Variants in C2orf72 observed in about 807,000 individuals in gnomAD.
C2orf72 encodes chromosome 2 open reading frame 72, also known as uncharacterized protein C2orf72.
A neutral mutation model predicts 14.4 loss-of-function variants in C2orf72; 16 were observed. The ratio of observed to expected loss-of-function variants is 1.11; its 90% CI spans 0.75 to 1.69. The LOEUF (loss-of-function observed/expected upper bound fraction) is 1.69, where lower values mean the gene tolerates loss of function less well. C2orf72 is among the 40% of genes most tolerant of loss of function. The probability of loss-of-function intolerance (pLI) is 0.00; values close to 1 mark genes in which losing one functional copy is unlikely to be tolerated. For synonymous variants in C2orf72, 168 were observed against 176.8 expected, an observed-to-expected ratio of 0.95 and a Z score of 0.40; for missense variants, 371 against 358.3, an observed-to-expected ratio of 1.04 and a Z score of -0.29.
intron 1 of C2orf72, 31 bp from the exon 2 acceptor site, chr2:231,041,265 C>A: frequency 6.8e-7 from 1 of 1,476,804 alleles, no homozygotes; most frequent in Non-Finnish European, 9.2e-7. Flanking sequence ...AACCATGTGA[C>A]CCTCTGACTC....
In C2orf72 at chr2:231,037,620, C is replaced by T; in HGVS notation, c.55C>T (p.Pro19Ser). The change falls in exon 1 of 3, where the codon CCC becomes TCC. Residue 19 changes from proline (P) to serine (S), a missense_variant. This residue lies in a region of C2orf72 where 214 missense variants were observed against 178.7 expected (regional missense o/e 1.20). Transcript: ENST00000373640. ...CCGGCTTGCGCGCCCTGCCGAGCCG[C>T]CCTTCCAGGCGTTGGTGGAAGCGGC... is the stretch of plus-strand genomic sequence containing the variant. ...AARLARPAEP[P>S]FQALVEAAGG... The T allele has an allele frequency of 1.8e-6, 2 of 1,108,648 alleles. No individual in the cohort carries two copies. The highest frequency in any genetic ancestry group is 1.1e-6 in the Non-Finnish European group (1 of 905,870). 68.7% of individuals were successfully genotyped at this position (1,108,648 alleles called of 1,614,324 possible).
chr2:231,037,934 C>T lies in C2orf72; in HGVS notation c.369C>T (p.Arg123=). ...ASSLAAREPR[R]RLREMLRDVR... is the part of the protein sequence containing the mutation. Reference sequence around the variant, plus strand: ...CGCTGGCCGCCCGGGAGCCGCGGCGCCGCCTGCGGGAGATGCTGCGGGACG... The same window carrying T: ...CGCTGGCCGCCCGGGAGCCGCGGCGTCGCCTGCGGGAGATGCTGCGGGACG... Residue 123 remains arginine (R), a synonymous_variant, in exon 1 of 3, where the codon CGC becomes CGT. Coordinates refer to ENST00000373640, the MANE Select transcript of C2orf72 (RefSeq NM_001144994.2). The T allele has an allele frequency of 4.4e-5, 45 of 1,031,268 alleles. No individual in the cohort carries two copies. Among genetic ancestry groups the T allele is most frequent in the Non-Finnish European group, 5.2e-5 (45 of 861,776 alleles). 63.9% of individuals were successfully genotyped at this position (1,031,268 alleles called of 1,614,324 possible).
intron 1 of C2orf72, among the ~76,000 whole-genome samples, chr2:231,040,357 G>T (rs1574688637): frequency 6.6e-6 from 1 of 152,300 alleles, no homozygotes; most frequent in African/African-American, 2.4e-5. Context: ...CAGAGTGAAT[G>T]AATCCTCCCT....
chr2:231,045,304 G>A (rs1163134076), intron 2 of C2orf72, among the ~76,000 whole-genome samples: 1 of 151,676 alleles, frequency 6.6e-6, no homozygotes, highest in Non-Finnish European at 1.5e-5. Flanking sequence ...GAGAGAGAGA[G>A]ACAGTACAGT....
chr2:231,041,403 G>A lies in C2orf72; in HGVS notation c.742G>A (p.Ala248Thr), dbSNP rs1359132227. Residue 248 changes from alanine (A) to threonine (T), a missense_variant, in exon 2 of 3, where the codon GCT becomes ACT. Ala to Thr is a moderately conservative substitution (Grantham distance 58). This residue lies in a region of C2orf72 where 145 missense variants were observed against 149.4 expected (regional missense o/e 0.97). Coordinates refer to ENST00000373640, the MANE Select transcript of C2orf72 (RefSeq NM_001144994.2). Reference sequence around the variant, plus strand: ...GGATGTTGCTGCCTGCAGAAGCTCAGCTCAGGGTGAGTGCTCCCCGACCTC... The same window carrying A: ...GGATGTTGCTGCCTGCAGAAGCTCAACTCAGGGTGAGTGCTCCCCGACCTC... Reference protein sequence around the residue: ...NQDVAACRSSAQEDFQEPEEE... With the variant: ...NQDVAACRSSTQEDFQEPEEE... 2.6e-6 allele frequency: 4 copies of A among 1,550,634 alleles called. No homozygotes were observed. Among genetic ancestry groups the A allele is most frequent in the Non-Finnish European group, 3.5e-6 (4 of 1,146,410 alleles).
At position 231,037,590 on chromosome 2, in the gene C2orf72, G is replaced by C; in HGVS notation, c.25G>C (p.Ala9Pro). The C allele has an allele frequency of 9.4e-7, 1 of 1,065,486 alleles. No homozygotes were observed. The highest frequency in any genetic ancestry group is 1.1e-6 in the Non-Finnish European group (1 of 883,008). The allele number at this position is 1,065,486 out of a possible 1,614,324, so 66.0% of individuals were successfully genotyped here. Residue 9 changes from alanine (A) to proline (P), a missense_variant, in exon 1 of 3, where the codon GCG (alanine) becomes CCG (proline). Around this residue, in one of 3 missense-constraint regions of C2orf72, gnomAD observed 214 missense variants for 178.7 expected, o/e 1.20. Transcript: ENST00000373640. MERELEAL[A>P]ARLARPAEPP... ...CATGGAGCGCGAGCTGGAGGCGCTGGCGGCCCGGCTTGCGCGCCCTGCCGA... is the reference window on the plus strand; with the variant it reads ...CATGGAGCGCGAGCTGGAGGCGCTGCCGGCCCGGCTTGCGCGCCCTGCCGA...
Position 231,038,503 on chromosome 2 carries a change from A to G in C2orf72, c.634+304A>G, listed in dbSNP as rs536861386. Among the ~76,000 whole-genome samples, 27 of 83,798 alleles carry G rather than the reference A, an allele frequency of 3.2e-4. No individual in the cohort carries two copies. In the South Asian group the frequency reaches 0.012, roughly 36 times the overall value. The allele number at this position is 83,798 out of a possible 152,430, so 55.0% of individuals were successfully genotyped here. A position where few individuals can be genotyped will look rare whatever the true frequency, so the allele number is the denominator to read the frequency against. ...GATGAATCGGGCAAGGCCGAGATCT[A>G]GGAGTTACGGGGTGGGTGGGGGTGG... On this transcript the variant is annotated intron_variant, in intron 1 of 2. Coordinates refer to ENST00000373640, the MANE Select transcript of C2orf72 (RefSeq NM_001144994.2).
At chr2:231,043,487 G>A (rs906840705) in intron 2 of C2orf72, among the ~76,000 whole-genome samples, 1 of 151,682 alleles carries the variant, frequency 6.6e-6, no homozygotes, top group African/African-American at 2.4e-5. Flanking sequence ...TTTGGGGTAC[G>A]CCATTCTATT....
At position 231,037,858 on chromosome 2, in the gene C2orf72, C is replaced by G. The variant is rs2125135196; in HGVS notation, c.293C>G (p.Ala98Gly). 1 of 978,634 alleles carries G rather than the reference C, an allele frequency of 1.0e-6. No individual in the cohort carries two copies. Among genetic ancestry groups the G allele is most frequent in the Non-Finnish European group, 1.2e-6 (1 of 827,360 alleles). The allele number at this position is 978,634 out of a possible 1,614,324, so 60.6% of individuals were successfully genotyped here. Residue 98 changes from alanine to glycine, a missense_variant, in exon 1 of 3, where the codon GCG becomes GGG. Physicochemically the swap from Ala to Gly is moderately conservative, Grantham distance 60 (BLOSUM62 0). Around this residue, in one of 3 missense-constraint regions of C2orf72, gnomAD observed 214 missense variants for 178.7 expected, o/e 1.20. Coordinates refer to ENST00000373640, the MANE Select transcript of C2orf72 (RefSeq NM_001144994.2). Reference sequence around the variant, plus strand: ...GGGGCGGCGGGGGCGGCGGCGGCGGCGGCGCGCGCCATCCGCTCGCCGCTG... The same window carrying G: ...GGGGCGGCGGGGGCGGCGGCGGCGGGGGCGCGCGCCATCCGCTCGCCGCTG... ...AAGAAGAAAA[A>G]ARAIRSPLVF...
intron 2 of C2orf72, among the ~76,000 whole-genome samples, chr2:231,042,849 A>G (rs562363051): frequency 3.3e-5 from 5 of 152,180 alleles, no homozygotes; most frequent in African/African-American, 4.8e-5. Flanking sequence ...TACTAAAAAT[A>G]CAAAATTAGC....
intron 1 of C2orf72, among the ~76,000 whole-genome samples, chr2:231,040,450 T>C (rs1693326994): frequency 6.6e-6 from 1 of 152,254 alleles, no homozygotes; most frequent in Admixed American, 6.5e-5. Flanking sequence ...TTTCCTACTT[T>C]TATAAAAACA....
At position 231,041,423 on chromosome 2, in the gene C2orf72, G is replaced by A. The variant is rs1197607075; in HGVS notation, c.748+14G>A. The A allele has an allele frequency of 8.5e-6, 13 of 1,536,072 alleles. No homozygotes were observed. Among genetic ancestry groups the A allele is most frequent in the Admixed American group, 2.0e-5 (1 of 50,834 alleles). On this transcript the variant is annotated intron_variant, in intron 2 of 2. Coordinates refer to ENST00000373640, the MANE Select transcript of C2orf72 (RefSeq NM_001144994.2). ...GCTCAGCTCAGGGTGAGTGCTCCCCGACCTCCTGCATCCTGAGGGCCAGGT... is the reference window on the plus strand; with the variant it reads ...GCTCAGCTCAGGGTGAGTGCTCCCCAACCTCCTGCATCCTGAGGGCCAGGT...
chr2:231,046,338 G>GTGT (rs1159902558), intron 2 of C2orf72, among the ~76,000 whole-genome samples: 2 of 133,072 alleles, frequency 1.5e-5, no homozygotes, highest in Non-Finnish European at 3.3e-5. Flanking sequence ...GTGTGTGTGT[G>GTGT]TTTAGGTCTG....
intron 2 of C2orf72, 84 bp from the exon 3 acceptor site, chr2:231,046,798 G>A (rs963934524): frequency 2.9e-6 from 4 of 1,393,068 alleles, no homozygotes; most frequent in African/African-American, 1.5e-5. Flanking sequence ...TATTTGCTGG[G>A]GACAACTTTC....
Position 231,047,129 on chromosome 2 carries a change from G to T in C2orf72, c.*108G>T. On this transcript the variant is annotated 3_prime_UTR_variant, in exon 3 of 3. Coordinates refer to ENST00000373640, the MANE Select transcript of C2orf72 (RefSeq NM_001144994.2). ...AGACTGCAGAAACCCCCGCCTGCTG[G>T]AGGCCTGCCACACTCACAGTTACCA... The T allele has an allele frequency of 7.4e-7, 1 of 1,351,510 alleles. No individual in the cohort carries two copies. 83.7% of individuals were successfully genotyped at this position (1,351,510 alleles called of 1,614,324 possible). A position where few individuals can be genotyped will look rare whatever the true frequency, so the allele number is the denominator to read the frequency against.
intron 1 of C2orf72, among the ~76,000 whole-genome samples, chr2:231,040,538 T>C (rs1180899973): frequency 6.6e-6 from 1 of 152,256 alleles, no homozygotes; most frequent in Non-Finnish European, 1.5e-5. Flanking sequence ...CTGATTTCTT[T>C]GCAGCTTTTG....
Position 231,037,975 on chromosome 2 carries a change from G to T in C2orf72, c.410G>T (p.Arg137Leu). The change falls in exon 1 of 3, where the codon CGG becomes CTG. Residue 137 changes from arginine to leucine, a missense_variant. By Grantham distance (102) the Arg-to-Leu change is moderately radical. Transcript: ENST00000373640. The stretch of plus-strand genomic sequence containing the variant: ...CTGCGGGACGTGCGCGGCCGGCGGC[G>T]GGCCGGGGCGGCGCTGGTCGGGGTG... ...EMLRDVRGRR[R>L]AGAALVGVLV... The T allele has an allele frequency of 2.0e-6, 2 of 1,025,428 alleles. No individual in the cohort carries two copies. Among genetic ancestry groups the T allele is most frequent in the Non-Finnish European group, 2.3e-6 (2 of 861,856 alleles). The allele number at this position is 1,025,428 out of a possible 1,614,324, so 63.5% of individuals were successfully genotyped here.
intron 1 of C2orf72, among the ~76,000 whole-genome samples, chr2:231,040,030 A>G (rs1474669204): frequency 6.6e-6 from 1 of 152,098 alleles, no homozygotes; most frequent in East Asian, 1.9e-4. Flanking sequence ...GGCATGAACT[A>G]CCACGCCCTG....
At chr2:231,041,598 G>C (rs1203879922) in intron 2 of C2orf72, among the ~76,000 whole-genome samples, 189 bp downstream of exon 2, 1 of 152,036 alleles carries the variant, frequency 6.6e-6, no homozygotes, top group African/African-American at 2.4e-5. Context: ...GCTCGGTCAG[G>C]CTGGGCTCTT....
Sources: allele counts gnomAD v4.1 joint callset (sites outside exome capture counted in the v4.1 genomes callset), GRCh38; gene constraint gnomAD v4.1.1; regional missense constraint gnomAD v4.1.1; transcripts MANE v1.5; gene names NCBI Gene and HGNC (gene_info 2026-07-23, HGNC 2026-07-21).